Variants in WDR27 observed in about 807,000 individuals in gnomAD.
WDR27 encodes WD repeat domain 27.
WDR27 carries 100 observed loss-of-function variants against 114.4 expected under a neutral mutation model. The observed-to-expected ratio is 0.87, with a 90% CI of 0.74 to 1.03. The LOEUF is 1.03. Ranked by LOEUF, WDR27 falls within the 50% of genes least tolerant of loss-of-function variation. The pLI, the probability that WDR27 is intolerant of heterozygous loss-of-function variation, is 0.00. For synonymous variants in WDR27, 449 were observed against 423.1 expected (o/e 1.06, Z -0.75); for missense variants, 1,129 against 1,092.9 (o/e 1.03, Z -0.47).
chr6:169,428,608 A>AGGGGGGGGGGGGGGGG, the WDR27 span, among the ~76,000 whole-genome samples: 83 of 114,334 alleles, frequency 7.3e-4, no homozygotes, highest in African/African-American at 1.2e-3. Context: ...GGCGGGGGGG[A>AGGGGGGGGGGGGGGGG]GGGGGGGGTT....
downstream of WDR27, among the ~76,000 whole-genome samples, chr6:169,452,987 GC>G (rs1277416102): frequency 6.6e-6 from 1 of 152,180 alleles, no homozygotes; most frequent in Admixed American, 6.5e-5. Flanking sequence ...TCCCTCCCCA[GC>G]CTCCCTGGTC....
intron 16 of WDR27, among the ~76,000 whole-genome samples, chr6:169,645,724 G>C (rs1173328676): frequency 1.3e-5 from 2 of 149,112 alleles, no homozygotes; most frequent in Non-Finnish European, 3.0e-5. Context: ...TAGTTCATAT[G>C]AGTCACACTG....
chr6:169,563,760 G>C (rs1800014462), intron 25 of WDR27, among the ~76,000 whole-genome samples: 1 of 152,200 alleles, frequency 6.6e-6, no homozygotes. Flanking sequence ...TTCAGAGTCT[G>C]CCTTAATTTT....
chr6:169,488,337 G>C (rs1789232201), intron 25 of WDR27, among the ~76,000 whole-genome samples: 1 of 152,206 alleles, frequency 6.6e-6, no homozygotes, highest in Admixed American at 6.5e-5. Flanking sequence ...CAAAAGGTCT[G>C]AAATCGTCTC....
chr6:169,524,318 T>C (rs990069016), intron 25 of WDR27, among the ~76,000 whole-genome samples: 2 of 152,178 alleles, frequency 1.3e-5, no homozygotes, highest in Non-Finnish European at 2.9e-5. Context: ...TCCATGCTCA[T>C]GGATTGGGAG....
Position 169,658,289 on chromosome 6 carries a change from A to G in WDR27, c.1389T>C (p.Ser463=), listed in dbSNP as rs757089768. ...CCCTGTACTGACCACGTCGCTGTTC[A>G]CTAGCAGCCTTGGTACTCTTCTCCT... ...IAKEKSTKAA[S]EQRRAARNVM... The change falls in exon 13 of 26, where the codon AGT becomes AGC. Residue 463 remains serine, a synonymous_variant. Transcript: ENST00000448612. 4 of 1,600,844 alleles carry G rather than the reference A, an allele frequency of 2.5e-6. No individual in the cohort carries two copies. Among genetic ancestry groups the G allele is most frequent in the East Asian group, 2.2e-5 (1 of 44,552 alleles).
At chr6:169,635,999 C>T (rs974715815) in intron 19 of WDR27, among the ~76,000 whole-genome samples, 1 of 152,118 alleles carries the variant, frequency 6.6e-6, no homozygotes, top group Non-Finnish European at 1.5e-5. Context: ...CTAGGTGTAG[C>T]TAAGAAGATA....
chr6:169,570,059 C>T (rs756766387), intron 25 of WDR27, among the ~76,000 whole-genome samples: 5 of 152,164 alleles, frequency 3.3e-5, no homozygotes, highest in Admixed American at 6.5e-5. Context: ...TTGGGCACCA[C>T]GGAATGCCAT....
the WDR27 span, among the ~76,000 whole-genome samples, chr6:169,435,552 A>T: frequency 1.3e-5 from 2 of 152,226 alleles, no homozygotes; most frequent in Non-Finnish European, 2.9e-5. Flanking sequence ...TGAGACATGG[A>T]GTCAAAGGAG....
At chr6:169,538,546 T>C (rs1796458210) in intron 25 of WDR27, among the ~76,000 whole-genome samples, 1 of 152,134 alleles carries the variant, frequency 6.6e-6, no homozygotes, top group South Asian at 2.1e-4. Context: ...AATAGATATT[T>C]TCCTTCGAAA....
intron 21 of WDR27, among the ~76,000 whole-genome samples, chr6:169,616,067 C>T (rs1363594797): frequency 6.6e-6 from 1 of 151,370 alleles, no homozygotes. Flanking sequence ...GTAAAGAAAG[C>T]CTCATTAGAA....
At chr6:169,524,497 A>G (rs539529240) in intron 25 of WDR27, among the ~76,000 whole-genome samples, 1 of 152,334 alleles carries the variant, frequency 6.6e-6, no homozygotes, top group East Asian at 1.9e-4. Flanking sequence ...AAAAGAACAA[A>G]GCTGAAGGTG....
intron 24 of WDR27, among the ~76,000 whole-genome samples, chr6:169,576,414 G>A (rs969443291): frequency 3.3e-5 from 5 of 152,308 alleles, no homozygotes; most frequent in East Asian, 1.9e-4. Context: ...TCTGGTATTC[G>A]GGAAATTCTG....
In WDR27 at chr6:169,659,281, TA is replaced by T; in HGVS notation, c.1198-75del. The T allele has an allele frequency of 6.4e-7, 1 of 1,558,174 alleles. No individual in the cohort carries two copies. Among genetic ancestry groups the T allele is most frequent in the East Asian group, 2.3e-5 (1 of 44,308 alleles). ...CAGACGAAACGTGCATCCGCACACG[TA>T]TCCTAACAGCTGCTTCATTCTCATA... is the stretch of plus-strand genomic sequence containing the variant. On this transcript the variant is annotated intron_variant, in intron 11 of 25. Coordinates refer to ENST00000448612, the MANE Select transcript of WDR27 (RefSeq NM_182552.5). This position sits in a 1 kb window ranked among gnomAD's most constrained non-coding sequence, Gnocchi z 4.3.
In WDR27 at chr6:169,636,300, C is replaced by A. The variant is rs1584774573; in HGVS notation, c.2003+71G>T. The A allele has an allele frequency of 5.0e-5, 78 of 1,557,648 alleles. No homozygotes were observed. In the East Asian group the frequency reaches 1.7e-3, roughly 34 times the overall value. ...GGGGCAACATTTTAAAATGTAAATA[C>A]CTTTCAACATCACATTATTGAAACA... On this transcript the variant is annotated intron_variant, in intron 19 of 25. Transcript: ENST00000448612.
At chr6:169,656,639 A>AGGCCCAGGAG (rs1375790995) in intron 13 of WDR27, among the ~76,000 whole-genome samples, 1 of 151,906 alleles carries the variant, frequency 6.6e-6, no homozygotes. Flanking sequence ...GGAGCCAAGA[A>AGGCCCAGGAG]GGCCCAGGAG....
In WDR27 at chr6:169,613,655, C is replaced by T; in HGVS notation, c.2225G>A (p.Gly742Asp). ...AGGCTGTTGGGTTGTAAATGATGAA[C>T]CCTATAATTTTAAGGGGGAAATCAA... ...RPVHQICQNK[G>D]SSFTTQQPQA... Residue 742 changes from glycine to aspartate, a missense_variant and splice_region_variant, in exon 22 of 26, where the codon GGT (glycine) becomes GAT (aspartate). Physicochemically the swap from Gly to Asp is moderately conservative, Grantham distance 94. Transcript: ENST00000448612. The T allele has an allele frequency of 1.3e-6, 2 of 1,578,332 alleles. No homozygotes were observed. The highest frequency in any genetic ancestry group is 1.7e-6 in the Non-Finnish European group (2 of 1,149,448).
intron 20 of WDR27, 144 bp from the exon 21 acceptor site, chr6:169,633,212 GA>G (rs1202984998): frequency 2.0e-5 from 19 of 958,632 alleles, no homozygotes; most frequent in Non-Finnish European, 2.5e-5. Flanking sequence ...AATGCCGCAG[GA>G]AAAGTCCTGA....
At chr6:169,614,897 T>G (rs990825304) in intron 21 of WDR27, among the ~76,000 whole-genome samples, 2 of 152,118 alleles carry the variant, frequency 1.3e-5, no homozygotes, top group African/African-American at 4.8e-5. Flanking sequence ...ATAATGGCAC[T>G]AACAACACCT....
Sources: allele counts gnomAD v4.1 joint callset (sites outside exome capture counted in the v4.1 genomes callset), GRCh38; gene constraint gnomAD v4.1.1; non-coding constraint Gnocchi (gnomAD v3.1); transcripts MANE v1.5; gene names NCBI Gene and HGNC (gene_info 2026-07-23, HGNC 2026-07-21).